The following KIR2DL4 variants were observed in gnomAD, a reference collection of about 807,000 sequenced individuals.
KIR2DL4 encodes killer cell immunoglobulin-like receptor 2DL4.
Under a neutral mutation model 31.0 loss-of-function variants are expected in KIR2DL4, and 41 were observed. The ratio of observed to expected loss-of-function variants is 1.32; its 90% CI spans 1.03 to 1.72. The LOEUF (loss-of-function observed/expected upper bound fraction) is 1.72. Ranked by LOEUF, KIR2DL4 falls within the 40% of genes most tolerant of loss-of-function variation. The pLI, the probability that KIR2DL4 is intolerant of heterozygous loss-of-function variation, is 0.00. For missense variants in KIR2DL4, 438 were observed against 353.7 expected (o/e 1.24, Z -1.91); for synonymous variants, 164 against 133.6 (o/e 1.23, Z -1.57).
intron 5 of KIR2DL4, among the ~76,000 whole-genome samples, chr19:54,810,359 T>G (rs2060788222): frequency 6.6e-6 from 1 of 151,040 alleles, no homozygotes; most frequent in African/African-American, 2.4e-5. Flanking sequence ...ACTCCCAACC[T>G]TAAGGGATCC....
chr19:54,808,747 T>C (rs1158706178), intron 4 of KIR2DL4, 86 bp from the exon 5 acceptor site: 5 of 998,014 alleles, frequency 5.0e-6, no homozygotes, highest in Non-Finnish European at 6.3e-6. Flanking sequence ...TAATAGAATG[T>C]TGGCCATGAA....
intron 5 of KIR2DL4, among the ~76,000 whole-genome samples, chr19:54,812,607 C>T (rs1398620504): frequency 6.7e-6 from 1 of 150,176 alleles, no homozygotes; most frequent in Non-Finnish European, 1.5e-5. Flanking sequence ...ACACTACCAT[C>T]TATTTCTGGC....
exon 6 of KIR2DL4, chr19:54,813,221 A>G (rs2147982355): frequency 5.7e-6 from 9 of 1,572,198 alleles, no homozygotes; most frequent in Non-Finnish European, 7.7e-6. Flanking sequence ...TGGTGCTCCA[A>G]AAAAAAAGTA....
chr19:54,813,091 G>A (rs1243864009), intron 5 of KIR2DL4: 2 of 1,419,946 alleles, frequency 1.4e-6, no homozygotes, highest in Non-Finnish European at 9.7e-7. Flanking sequence ...AACTGCTATG[G>A]TTAGCTTCTT....
intron 1 of KIR2DL4, 60 bp from the exon 2 acceptor site, chr19:54,803,831 T>A: frequency 6.3e-7 from 1 of 1,576,654 alleles, no homozygotes; most frequent in South Asian, 1.1e-5. Context: ...GCCCAGTGGC[T>A]CAGGAGGAAA....
At chr19:54,808,971 C>T (rs2060693988) in intron 5 of KIR2DL4, 88 bp downstream of exon 5, 11 of 1,048,836 alleles carry the variant, frequency 1.0e-5, no homozygotes, top group Non-Finnish European at 1.6e-5. Flanking sequence ...CACCTGCCAG[C>T]TCTGTGATTG....
At chr19:54,810,633 A>G (rs2060806995) in intron 5 of KIR2DL4, among the ~76,000 whole-genome samples, 2 of 151,408 alleles carry the variant, frequency 1.3e-5, no homozygotes, top group Admixed American at 1.3e-4. Flanking sequence ...TCTGCCTGAA[A>G]TGCTGGGAAT....
In KIR2DL4 at chr19:54,803,752, C is replaced by G. The variant is rs1250043038; in HGVS notation, c.40+61C>G. The G allele has an allele frequency of 1.9e-6, 3 of 1,582,840 alleles. No individual in the cohort carries two copies. In the African/African-American group the frequency reaches 4.1e-5, roughly 22 times the overall value. ...CTATGGGCCTGCAGATTGGGTGTCT[C>G]CCCAGCAGAGAGCCATGTTCTGAAG... On this transcript the variant is annotated intron_variant, in intron 1 of 7. Coordinates refer to ENST00000359085, the Ensembl canonical transcript of KIR2DL4.
chr19:54,814,299 G>C (rs1182623401), exon 8 of KIR2DL4: 1 of 638,398 alleles, frequency 1.6e-6, no homozygotes, highest in Non-Finnish European at 2.7e-6. Context: ...TTACTTCCTA[G>C]TCTACTTGAG....
chr19:54,812,340 G>A (rs2060912191), intron 5 of KIR2DL4, among the ~76,000 whole-genome samples: 2 of 151,232 alleles, frequency 1.3e-5, no homozygotes, highest in African/African-American at 4.9e-5. Context: ...ACTGTAGCTG[G>A]GGGAAGCCAG....
At chr19:54,811,052 C>T (rs1461695513) in intron 5 of KIR2DL4, among the ~76,000 whole-genome samples, 1 of 151,250 alleles carries the variant, frequency 6.6e-6, no homozygotes, top group African/African-American at 2.4e-5. Flanking sequence ...CAATACTTGG[C>T]AGAGGAGTGA....
At chr19:54,803,853 T>C in intron 1 of KIR2DL4, 38 bp from the exon 2 acceptor site, 1 of 1,597,234 alleles carries the variant, frequency 6.3e-7, no homozygotes, top group South Asian at 1.1e-5. Flanking sequence ...GGTAGGTTGC[T>C]GCCGAGATGA....
chr19:54,810,159 C>T (rs1193446523), intron 5 of KIR2DL4, among the ~76,000 whole-genome samples: 4 of 149,796 alleles, frequency 2.7e-5, no homozygotes, highest in Non-Finnish European at 5.9e-5. Context: ...CCCTCTGTGC[C>T]CCAGGCTGGA....
intron 5 of KIR2DL4, 116 bp downstream of exon 5, chr19:54,808,999 G>T: frequency 1.2e-6 from 1 of 863,058 alleles, no homozygotes; most frequent in South Asian, 1.3e-5. Flanking sequence ...GTCTTCCATT[G>T]TCTCTGAACC....
At position 54,805,399 on chromosome 19, in the gene KIR2DL4, A is replaced by G. The variant is rs1483685323; in HGVS notation, c.361+322A>G. Among the ~76,000 whole-genome samples, 3 of 151,334 alleles carry G rather than the reference A, an allele frequency of 2.0e-5. No individual in the cohort carries two copies. The East Asian group carries it at 5.8e-4, about 29-fold the overall frequency. On this transcript the variant is annotated intron_variant, in intron 3 of 7. Transcript: ENST00000359085. ...GGGCTCAGTGTAATCACAAGGGTCC[A>G]TATGAGTGGAGAAGGAAGAGGAGAA...
intron 5 of KIR2DL4, among the ~76,000 whole-genome samples, chr19:54,811,417 T>C (rs2060860141): frequency 6.6e-6 from 1 of 151,170 alleles, no homozygotes; most frequent in Non-Finnish European, 1.5e-5. Context: ...AAATAAAGAA[T>C]ACATAAATAT....
At chr19:54,806,019 T>C in exon 4 of KIR2DL4, 2 of 1,611,130 alleles carry the variant, frequency 1.2e-6, no homozygotes, top group South Asian at 2.2e-5. Context: ...GAACGTGACC[T>C]TGTCCTGCAG....
In KIR2DL4 at chr19:54,808,224, T is replaced by G. The variant is rs1175205705; in HGVS notation, c.656-609T>G. On this transcript the variant is annotated intron_variant, in intron 4 of 7. Transcript: ENST00000359085. ...TGATATAATCCCAATGGTCTATTTT[T>G]TTGTTGTTGTTGTGATTACTTGTGT... is the stretch of plus-strand genomic sequence containing the variant. Among the ~76,000 whole-genome samples the G allele has an allele frequency of 7.4e-5, 11 of 149,230 alleles. 1 individual carries two copies. The highest frequency in any genetic ancestry group is 2.7e-4 in the Admixed American group (4 of 15,038).
exon 3 of KIR2DL4, chr19:54,804,977 G>A: frequency 6.2e-7 from 1 of 1,612,058 alleles, no homozygotes; most frequent in Non-Finnish European, 8.5e-7. Context: ...TTAGCCCTGT[G>A]ACCCCAGCAC....
Sources: allele counts gnomAD v4.1 joint callset (sites outside exome capture counted in the v4.1 genomes callset), GRCh38; gene constraint gnomAD v4.1.1; transcripts MANE v1.5; gene names NCBI Gene and HGNC (gene_info 2026-07-23, HGNC 2026-07-21).